The following GRM8 variants were observed in gnomAD, a reference collection of about 807,000 sequenced individuals.
GRM8 encodes metabotropic glutamate receptor 8.
In GRM8, 47 loss-of-function variants were observed where a neutral mutation model predicts 87.2. The observed-to-expected ratio is 0.54, with a 90% confidence interval of 0.43 to 0.69. The LOEUF (loss-of-function observed/expected upper bound fraction) is 0.69. Ranked by LOEUF, GRM8 falls within the 30% of genes least tolerant of loss-of-function variation. GRM8 has a pLI of 0.00. For missense variants in GRM8, 1,019 were observed against 1,139.2 expected, an observed-to-expected ratio of 0.89 and a Z score of 1.52; for synonymous variants, 396 against 404.5, an observed-to-expected ratio of 0.98 and a Z score of 0.25.
At chr7:126,700,626 T>C (rs576248549) in intron 7 of GRM8, among the ~76,000 whole-genome samples, 1 of 152,256 alleles carries the variant, frequency 6.6e-6, no homozygotes, top group South Asian at 2.1e-4. Flanking sequence ...ATGAGGGTGA[T>C]AAATTGGGAC....
intron 7 of GRM8, among the ~76,000 whole-genome samples, chr7:126,749,834 C>T (rs571613873): frequency 1.6e-4 from 24 of 152,124 alleles, no homozygotes; most frequent in African/African-American, 5.8e-4. Context: ...GACAATATGA[C>T]AATATCAAGT....
chr7:126,968,033 T>C (rs1279902295), intron 3 of GRM8, among the ~76,000 whole-genome samples: 2 of 152,226 alleles, frequency 1.3e-5, no homozygotes, highest in Non-Finnish European at 2.9e-5. Context: ...ATGTACACGA[T>C]ACATATGCAG....
chr7:126,469,709 C>T (rs1457807259), intron 9 of GRM8, among the ~76,000 whole-genome samples: 2 of 152,154 alleles, frequency 1.3e-5, no homozygotes, highest in African/African-American at 4.8e-5. Context: ...GCCCTCCCAG[C>T]CATACTGAAC....
intron 7 of GRM8, among the ~76,000 whole-genome samples, chr7:126,695,608 G>A (rs1809300835): frequency 6.6e-6 from 1 of 152,154 alleles, no homozygotes; most frequent in African/African-American, 2.4e-5. Flanking sequence ...AAGTATTTCA[G>A]CAAAGGTCTT....
At chr7:126,906,754 C>A (rs1195246516) in intron 3 of GRM8, among the ~76,000 whole-genome samples, 1 of 152,096 alleles carries the variant, frequency 6.6e-6, no homozygotes, top group East Asian at 1.9e-4. Flanking sequence ...AGAGAACATT[C>A]AAAATTATGC....
At chr7:126,530,249 G>A (rs992937772) in intron 9 of GRM8, among the ~76,000 whole-genome samples, 29 of 152,164 alleles carry the variant, frequency 1.9e-4, no homozygotes, top group Admixed American at 1.5e-3. Context: ...ATTCTCTGAC[G>A]TTATTCTGAG....
intron 3 of GRM8, among the ~76,000 whole-genome samples, chr7:126,937,137 T>C (rs1374423268): frequency 6.6e-6 from 1 of 152,186 alleles, no homozygotes; most frequent in African/African-American, 2.4e-5. Context: ...AAGAATCTCC[T>C]ATATTCTCCT....
chr7:126,703,636 T>C (rs1168417126), intron 7 of GRM8, among the ~76,000 whole-genome samples: 1 of 152,196 alleles, frequency 6.6e-6, no homozygotes, highest in East Asian at 1.9e-4. Context: ...CACAGCTCAC[T>C]GCAGCCTCAA....
chr7:127,003,198 T>C (rs1813899310), intron 3 of GRM8, among the ~76,000 whole-genome samples: 1 of 151,686 alleles, frequency 6.6e-6, no homozygotes, highest in Admixed American at 6.6e-5. Flanking sequence ...AGACATAGCA[T>C]GATTATTTTT....
chr7:126,693,953 C>A (rs192011439), intron 7 of GRM8, among the ~76,000 whole-genome samples: 22 of 151,786 alleles, frequency 1.4e-4, no homozygotes, highest in African/African-American at 4.6e-4. Flanking sequence ...TTGGAATATG[C>A]CCTTTGTAAA....
chr7:126,937,433 G>A (rs1806452244), intron 3 of GRM8, among the ~76,000 whole-genome samples: 1 of 152,194 alleles, frequency 6.6e-6, no homozygotes, highest in East Asian at 1.9e-4. Flanking sequence ...GCTAGTGACT[G>A]TTGAATCACT....
At chr7:126,535,857 T>G (rs778513780) in intron 8 of GRM8, among the ~76,000 whole-genome samples, 5 of 152,080 alleles carry the variant, frequency 3.3e-5, no homozygotes, top group Admixed American at 3.3e-4. Context: ...CAACTTCCCA[T>G]GCGTGTGAAG....
chr7:127,106,769 T>C lies in GRM8; in HGVS notation c.511-57A>G, dbSNP rs998461301. On this transcript the variant is annotated intron_variant, in intron 2 of 10. Coordinates refer to ENST00000339582, the MANE Select transcript of GRM8 (RefSeq NM_000845.3). ...ATGACGAATCTTGAAGAATGATGGATTGTCATATGAGCTAAACAGCCAAGG... is the reference window on the plus strand; with the variant it reads ...ATGACGAATCTTGAAGAATGATGGACTGTCATATGAGCTAAACAGCCAAGG... The C allele has an allele frequency of 8.8e-6, 11 of 1,248,202 alleles. No homozygotes were observed. The Admixed American group carries it at 1.7e-4, about 19-fold the overall frequency. The allele number at this position is 1,248,202 out of a possible 1,614,324, so 77.3% of individuals were successfully genotyped here. A position where few individuals can be genotyped will look rare whatever the true frequency, so the allele number is the denominator to read the frequency against.
chr7:127,074,612 C>T (rs1004639107), intron 3 of GRM8, among the ~76,000 whole-genome samples: 2 of 152,156 alleles, frequency 1.3e-5, no homozygotes, highest in Admixed American at 6.6e-5. Context: ...ACATGCCTCT[C>T]GAGATAACCC....
At chr7:126,525,980 T>G (rs1813760581) in intron 9 of GRM8, among the ~76,000 whole-genome samples, 1 of 152,202 alleles carries the variant, frequency 6.6e-6, no homozygotes, top group Admixed American at 6.5e-5. Context: ...GTTAAATATT[T>G]TTTCCACACT....
rs1006640156 is a variant in GRM8 at position 127,201,964 on chromosome 7, T to C, written c.510+40731A>G. Among the ~76,000 whole-genome samples, 55 of 152,290 alleles carry C rather than the reference T, an allele frequency of 3.6e-4. 1 individual carries two copies. Among genetic ancestry groups the C allele is most frequent in the African/African-American group, 1.2e-3 (49 of 41,564 alleles). On this transcript the variant is annotated intron_variant, in intron 2 of 10. Coordinates refer to ENST00000339582, the MANE Select transcript of GRM8 (RefSeq NM_000845.3). ...GGATACTCTACCCACCTATGAACCATTGGAGAAAATGAACTATTTTGATGC... is the reference window on the plus strand; with the variant it reads ...GGATACTCTACCCACCTATGAACCACTGGAGAAAATGAACTATTTTGATGC...
chr7:127,119,804 C>G (rs1322151261), intron 2 of GRM8, among the ~76,000 whole-genome samples: 1 of 152,166 alleles, frequency 6.6e-6, no homozygotes, highest in Non-Finnish European at 1.5e-5. Flanking sequence ...TGAGAACTCA[C>G]TCTCCAATTT....
At chr7:126,447,438 T>C (rs1213906089) in intron 9 of GRM8, among the ~76,000 whole-genome samples, 1 of 151,908 alleles carries the variant, frequency 6.6e-6, no homozygotes, top group Non-Finnish European at 1.5e-5. Flanking sequence ...CCCTCATTAA[T>C]AGATCTGTTC....
At chr7:127,170,496 A>C (rs752855925) in intron 2 of GRM8, among the ~76,000 whole-genome samples, 3 of 152,188 alleles carry the variant, frequency 2.0e-5, no homozygotes, top group Non-Finnish European at 2.9e-5. Flanking sequence ...CTGAGTACCT[A>C]CCCACAGGAA....
Sources: gnomAD v4.1 joint callset for allele counts (sites outside exome capture counted in the v4.1 genomes callset) on GRCh38, gnomAD v4.1.1 for gene constraint, MANE v1.5 for transcripts, NCBI Gene and HGNC (gene_info 2026-07-23, HGNC 2026-07-21) for gene names.